Variants in PCM1 observed in about 807,000 individuals in gnomAD.
PCM1 encodes the protein pericentriolar material 1 protein.
A neutral mutation model predicts 241.9 loss-of-function variants in PCM1; 157 were observed. The observed-to-expected ratio is 0.65, with a 90% CI of 0.57 to 0.74. The LOEUF (loss-of-function observed/expected upper bound fraction) is 0.74. PCM1 is among the 30% of genes least tolerant of loss of function. The pLI is 0.00. For synonymous variants in PCM1, 1,085 were observed against 784.9 expected (o/e 1.38, Z -6.39); for missense variants, 3,478 against 2,360.1 (o/e 1.47, Z -9.81).
In PCM1 at chr8:17,999,404, C is replaced by T. The variant is rs181088132; in HGVS notation, c.4827+5785C>T. ...TAATCCTTCCAGGACTGGGTCTTTCCCTTTAAGGCAGTGGGTTTCCTTCTG... is the reference window on the plus strand; with the variant it reads ...TAATCCTTCCAGGACTGGGTCTTTCTCTTTAAGGCAGTGGGTTTCCTTCTG... On this transcript the variant is annotated intron_variant, in intron 29 of 38. Coordinates refer to ENST00000325083, the MANE Select transcript of PCM1 (RefSeq NM_006197.4). 2.2e-3 allele frequency among the ~76,000 whole-genome samples: 330 copies of T among 152,130 alleles called. 1 individual carries two copies. The highest frequency in any genetic ancestry group is 3.5e-3 in the Non-Finnish European group (236 of 67,984).
intron 36 of PCM1, among the ~76,000 whole-genome samples, chr8:18,020,340 G>T (rs1359768229): frequency 6.6e-6 from 1 of 152,122 alleles, no homozygotes; most frequent in Non-Finnish European, 1.5e-5. Flanking sequence ...TAGTATTAGG[G>T]AATAAATGTT....
intron 29 of PCM1, among the ~76,000 whole-genome samples, chr8:17,993,995 A>G (rs1324555672): frequency 3.9e-5 from 6 of 152,198 alleles, no homozygotes; most frequent in Non-Finnish European, 7.4e-5. Flanking sequence ...CATCATGGTA[A>G]ATGGGGTATC....
chr8:17,990,432 A>G (rs536496531), intron 27 of PCM1, among the ~76,000 whole-genome samples: 3 of 151,588 alleles, frequency 2.0e-5, no homozygotes, highest in South Asian at 2.1e-4. Flanking sequence ...GAAAACCTCA[A>G]GTAATTCTCA....
intron 21 of PCM1, 29 bp downstream of exon 21, chr8:17,967,199 A>G: frequency 6.7e-7 from 1 of 1,491,690 alleles, no homozygotes; most frequent in Non-Finnish European, 9.1e-7. Flanking sequence ...AGAGAAAATA[A>G]ATAAAAGCAA....
rs1047361128 is a variant in PCM1 at position 18,029,282 on chromosome 8, A to G, written c.*1620A>G. 5 of 214,980 alleles carry G rather than the reference A, an allele frequency of 2.3e-5. No homozygotes were observed. Among genetic ancestry groups the G allele is most frequent in the Non-Finnish European group, 4.7e-5 (5 of 106,300 alleles). The allele number at this position is 214,980 out of a possible 1,614,324, so 13.3% of individuals were successfully genotyped here. A position where few individuals can be genotyped will look rare whatever the true frequency, so the allele number is the denominator to read the frequency against. On this transcript the variant is annotated 3_prime_UTR_variant, in exon 39 of 39. Coordinates refer to ENST00000325083, the MANE Select transcript of PCM1 (RefSeq NM_006197.4). ...ACTGTATTGCTACTTAAATTATGGA[A>G]GACAATATATCTTCAACTTTAATAA...
intron 7 of PCM1, 29 bp downstream of exon 7, chr8:17,947,392 T>G (rs749661588): frequency 6.8e-7 from 1 of 1,479,510 alleles, no homozygotes; most frequent in East Asian, 2.3e-5. Flanking sequence ...ATATTCTTTT[T>G]GTAAGGAAGA....
intron 2 of PCM1, among the ~76,000 whole-genome samples, chr8:17,928,656 G>A (rs537029273): frequency 5.0e-5 from 6 of 118,896 alleles, no homozygotes; most frequent in Admixed American, 2.9e-4. Flanking sequence ...AAGTGAGGCG[G>A]AGTTTCTCTC....
At chr8:18,008,761 C>G (rs2091967383) in intron 30 of PCM1, among the ~76,000 whole-genome samples, 1 of 152,162 alleles carries the variant, frequency 6.6e-6, no homozygotes, top group South Asian at 2.1e-4. Flanking sequence ...GGCAGTTAAT[C>G]TGTAACAAAC....
rs1369317406 is a variant in PCM1, at chr8:17,955,475, C to G, written c.1294C>G (p.Pro432Ala). Residue 432 changes from proline to alanine, a missense_variant, in exon 10 of 39, where the codon CCA becomes GCA. Pro to Ala is a conservative substitution (Grantham distance 27, BLOSUM62 -1). Transcript: ENST00000325083. ...TGTTGTTGTGCCTTCTTCAGCCTCT[C>G]CACAAAGGAGTGTCGATCAGAGAAG... ...DQHLNNSSSS[P>A]QRSVDQRSTS... 1.2e-6 allele frequency: 2 copies of G among 1,601,578 alleles called. No homozygotes were observed. The highest frequency in any genetic ancestry group is 2.7e-5 in the African/African-American group (2 of 74,450).
At chr8:18,008,528 G>A (rs2091924002) in intron 30 of PCM1, among the ~76,000 whole-genome samples, 1 of 152,148 alleles carries the variant, frequency 6.6e-6, no homozygotes, top group Non-Finnish European at 1.5e-5. Flanking sequence ...GGGAAAAGTT[G>A]TCTTCTGTGA....
At chr8:17,957,198 A>G (rs2068952513) in intron 11 of PCM1, 66 bp from the exon 12 acceptor site, 2 of 1,340,364 alleles carry the variant, frequency 1.5e-6, no homozygotes, top group East Asian at 4.7e-5. Flanking sequence ...TAGCAGTTCT[A>G]AACTTGGATT....
chr8:18,016,224 C>A (rs1413900533), intron 36 of PCM1, among the ~76,000 whole-genome samples: 1 of 152,104 alleles, frequency 6.6e-6, no homozygotes, highest in East Asian at 1.9e-4. Context: ...AGAGGTCGAA[C>A]TAGATGTTTG....
intron 17 of PCM1, among the ~76,000 whole-genome samples, chr8:17,963,552 A>G (rs759305492): frequency 2.0e-5 from 3 of 152,216 alleles, no homozygotes; most frequent in Non-Finnish European, 4.4e-5. Flanking sequence ...TCTTATGTGT[A>G]TAAGCCTTAT....
At position 17,969,757 on chromosome 8, in the gene PCM1, T is replaced by G; in HGVS notation, c.3584+9T>G. On this transcript the variant is annotated intron_variant, in intron 22 of 38. Transcript: ENST00000325083. The stretch of plus-strand genomic sequence containing the variant: ...GGAGCAGAGAAACCAAGGTACTGAT[T>G]GTAAACAGTCTTTTATTGCTTAAAC... The G allele has an allele frequency of 1.3e-6, 2 of 1,585,620 alleles. No homozygotes were observed. Among genetic ancestry groups the G allele is most frequent in the Non-Finnish European group, 1.7e-6 (2 of 1,159,430 alleles).
At chr8:17,931,018 C>T (rs2058850020) in intron 2 of PCM1, among the ~76,000 whole-genome samples, 1 of 152,200 alleles carries the variant, frequency 6.6e-6, no homozygotes, top group African/African-American at 2.4e-5. Flanking sequence ...ATTCTACCCC[C>T]TATGGCAATC....
chr8:17,983,931 T>C (rs947142584), intron 24 of PCM1, among the ~76,000 whole-genome samples: 1 of 152,072 alleles, frequency 6.6e-6, no homozygotes, highest in Admixed American at 6.5e-5. Context: ...GCTGAATATA[T>C]CAGTGGCACT....
intron 10 of PCM1, 114 bp from the exon 11 acceptor site, chr8:17,956,488 GGA>G: frequency 1.5e-6 from 1 of 647,594 alleles, no homozygotes; most frequent in Non-Finnish European, 2.7e-6. Flanking sequence ...TTCACTAGGT[GGA>G]TATTCCATTA....
chr8:17,923,585 A>G (rs920373598), intron 1 of PCM1, among the ~76,000 whole-genome samples: 2 of 150,812 alleles, frequency 1.3e-5, no homozygotes, highest in African/African-American at 4.9e-5. Context: ...TTAGAGAAAC[A>G]GGCCTTGGTG....
chr8:18,014,500 C>A, intron 35 of PCM1, 84 bp from the exon 36 acceptor site: 2 of 1,043,956 alleles, frequency 1.9e-6, no homozygotes, highest in Non-Finnish European at 2.6e-6. Context: ...TGCTCTTATT[C>A]AGGCGTATTG....
Sources: gnomAD v4.1 joint callset for allele counts (sites outside exome capture counted in the v4.1 genomes callset) on GRCh38, gnomAD v4.1.1 for gene constraint, MANE v1.5 for transcripts, NCBI Gene and HGNC (gene_info 2026-07-23, HGNC 2026-07-21) for gene names.